CNOT7: variants seen among roughly 807,000 people sequenced by gnomAD.
The protein encoded by CNOT7 is CCR4-NOT transcription complex subunit 7.
CNOT7 carries 4 observed loss-of-function variants against 37.1 expected under a neutral mutation model. The observed-to-expected ratio is 0.11, with a 90% CI of 0.05 to 0.25. CNOT7 has a LOEUF of 0.25. Among genes scored for constraint, CNOT7 ranks in the 10% least tolerant of loss-of-function variants. The pLI, the probability that CNOT7 is intolerant of heterozygous loss-of-function variation, is 1.00. For missense variants in CNOT7, 170 were observed against 336.2 expected, an observed-to-expected ratio of 0.51 and a Z score of 3.87; for synonymous variants, 128 against 115.6, an observed-to-expected ratio of 1.11 and a Z score of -0.69.
Position 17,243,074 on chromosome 8 carries a change from G to C in CNOT7, c.229C>G (p.Leu77Val). The C allele has an allele frequency of 6.2e-7, 1 of 1,611,902 alleles. No homozygotes were observed. The highest frequency in any genetic ancestry group is 8.5e-7 in the Non-Finnish European group (1 of 1,179,294). ...TGCTCATTCATAAATGTCAGTCCTA[G>C]CTGAATTATCTTTAACAAGTCTACA... is the stretch of plus-strand genomic sequence containing the variant. ...CNVDLLKIIQ[L>V]GLTFMNEQGE... Residue 77 changes from leucine (L) to valine (V), a missense_variant, in exon 3 of 7, where the codon CTA becomes GTA. Physicochemically the swap from Leu to Val is conservative, Grantham distance 32. Coordinates refer to ENST00000361272, the MANE Select transcript of CNOT7 (RefSeq NM_013354.7).
intron 3 of CNOT7, chr8:17,242,781 A>G (rs1172594466): frequency 2.1e-5 from 8 of 384,874 alleles, no homozygotes; most frequent in Middle Eastern, 1.0e-3. Context: ...AGCTGCAGTC[A>G]TATTTTAAAT....
chr8:17,241,649 A>G (rs1810182572), intron 3 of CNOT7: 1 of 152,230 alleles, frequency 6.6e-6, no homozygotes, highest in African/African-American at 2.4e-5. Context: ...GTCAAACAGA[A>G]GAACAATGCA....
intron 2 of CNOT7, 51 bp from the exon 3 acceptor site, chr8:17,243,236 T>C (rs780252207): frequency 7.1e-6 from 10 of 1,407,944 alleles, no homozygotes; most frequent in Non-Finnish European, 8.7e-6. Context: ...AAAACTACAA[T>C]CCACACATTT....
chr8:17,231,590 A>T (rs1808619505), intron 6 of CNOT7: 4 of 985,126 alleles, frequency 4.1e-6, no homozygotes, highest in African/African-American at 1.7e-5. Context: ...TCTCAATTTA[A>T]TGTCTAAGAG....
At chr8:17,237,491 A>C in intron 3 of CNOT7, 118 bp from the exon 4 acceptor site, 1 of 836,084 alleles carries the variant, frequency 1.2e-6, no homozygotes, top group South Asian at 1.8e-5. Context: ...GCTTGAGTCC[A>C]CCTGTTTCAA....
At chr8:17,241,648 A>T (rs766724888) in intron 3 of CNOT7, 20 of 152,214 alleles carry the variant, frequency 1.3e-4, no homozygotes, top group Non-Finnish European at 2.4e-4. Context: ...TGTCAAACAG[A>T]AGAACAATGC....
intron 5 of CNOT7, among the ~76,000 whole-genome samples, chr8:17,233,976 C>T (rs1808980223): frequency 6.6e-6 from 1 of 152,140 alleles, no homozygotes; most frequent in African/African-American, 2.4e-5. Context: ...ATCACTTGAA[C>T]CCGGGAGGCG....
rs1298542201 is a variant in CNOT7, at chr8:17,226,544, A to G, written c.*4176T>C. 2.0e-5 allele frequency: 3 copies of G among 151,704 alleles called. No individual in the cohort carries two copies. Among genetic ancestry groups the G allele is most frequent in the Admixed American group, 2.0e-4 (3 of 15,196 alleles). The allele number at this position is 151,704 out of a possible 1,614,324, so 9.4% of individuals were successfully genotyped here. On this transcript the variant is annotated 3_prime_UTR_variant, in exon 7 of 7. Coordinates refer to ENST00000361272, the MANE Select transcript of CNOT7 (RefSeq NM_013354.7). ...TTCAAGATGATTCATTTCCAACAGAAGATTAAGAGGAAACTTTAAAAGCAT... is the reference window on the plus strand; with the variant it reads ...TTCAAGATGATTCATTTCCAACAGAGGATTAAGAGGAAACTTTAAAAGCAT...
chr8:17,228,293 A>G lies in CNOT7; in HGVS notation c.*2427T>C, dbSNP rs1343411956. The G allele has an allele frequency of 1.1e-4, 17 of 151,926 alleles. No homozygotes were observed. Among genetic ancestry groups the G allele is most frequent in the Admixed American group, 9.2e-4 (14 of 15,236 alleles). 9.4% of individuals were successfully genotyped at this position (151,926 alleles called of 1,614,324 possible). A position where few individuals can be genotyped will look rare whatever the true frequency, so the allele number is the denominator to read the frequency against. On this transcript the variant is annotated 3_prime_UTR_variant, in exon 7 of 7. Transcript: ENST00000361272. ...TAATTAATGGCTCAGTAACACTAAA[A>G]TATCAGCCAAATATCTTACATCTGG...
chr8:17,245,501 A>G (rs1810827327), intron 1 of CNOT7, among the ~76,000 whole-genome samples: 1 of 152,234 alleles, frequency 6.6e-6, no homozygotes, highest in Non-Finnish European at 1.5e-5. Context: ...ATCATATTTT[A>G]TAACTTTCCA....
chr8:17,243,367 T>C (rs150810728), intron 2 of CNOT7, 182 bp from the exon 3 acceptor site: 1 of 642,178 alleles, frequency 1.6e-6, no homozygotes, highest in Non-Finnish European at 2.8e-6. Flanking sequence ...CTCTATAAAC[T>C]TAATAACCTT....
At chr8:17,243,323 A>C in intron 2 of CNOT7, 138 bp from the exon 3 acceptor site, 3 of 681,338 alleles carry the variant, frequency 4.4e-6, no homozygotes, top group Non-Finnish European at 7.5e-6. Context: ...GTATATTTTA[A>C]CTAGAAAGAA....
chr8:17,235,876 T>C (rs1809283986), intron 4 of CNOT7, among the ~76,000 whole-genome samples: 1 of 152,190 alleles, frequency 6.6e-6, no homozygotes, highest in Admixed American at 6.5e-5. Flanking sequence ...CAAGAAGACA[T>C]GAATGAACCC....
chr8:17,232,252 C>T (rs901739990), intron 6 of CNOT7, 175 bp downstream of exon 6: 2 of 1,448,540 alleles, frequency 1.4e-6, no homozygotes, highest in African/African-American at 2.9e-5. Flanking sequence ...TTCTGAACTA[C>T]ATTTCAAGAT....
At chr8:17,232,619 C>G in intron 5 of CNOT7, 82 bp from the exon 6 acceptor site, 1 of 1,213,532 alleles carries the variant, frequency 8.2e-7, no homozygotes, top group Non-Finnish European at 1.2e-6. Flanking sequence ...AGACGCTGAC[C>G]AAAATAAAAA....
intron 3 of CNOT7, among the ~76,000 whole-genome samples, chr8:17,239,199 T>A (rs951891542): frequency 6.6e-6 from 1 of 151,890 alleles, no homozygotes; most frequent in African/African-American, 2.4e-5. Flanking sequence ...ACTACAGATA[T>A]GAGCCACCAT....
rs1458260108 is a variant in CNOT7, at chr8:17,228,042, A to C, written c.*2678T>G. On this transcript the variant is annotated 3_prime_UTR_variant, in exon 7 of 7. Transcript: ENST00000361272. ...AAAAAGTATCCATAGATAATATGTA[A>C]ATTAGTGTGGCTGCATTCCAATAAA... 2 of 151,940 alleles carry C rather than the reference A, an allele frequency of 1.3e-5. No homozygotes were observed. Among genetic ancestry groups the C allele is most frequent in the African/African-American group, 2.4e-5 (1 of 41,426 alleles). The allele number at this position is 151,940 out of a possible 1,614,324, so 9.4% of individuals were successfully genotyped here. A position where few individuals can be genotyped will look rare whatever the true frequency, so the allele number is the denominator to read the frequency against.
At chr8:17,240,870 T>C (rs1810064941) in intron 3 of CNOT7, among the ~76,000 whole-genome samples, 2 of 152,190 alleles carry the variant, frequency 1.3e-5, no homozygotes, top group Admixed American at 6.5e-5. Flanking sequence ...AGGTGTTCAA[T>C]CTTTTGGCTT....
At chr8:17,234,914 TAAAA>T in intron 4 of CNOT7, 54 bp from the exon 5 acceptor site, 3 of 1,413,538 alleles carry the variant, frequency 2.1e-6, no homozygotes, top group Non-Finnish European at 2.8e-6. Flanking sequence ...CTATAAAGAT[TAAAA>T]AAAAAAGTTT....
Sources: allele counts gnomAD v4.1 joint callset (sites outside exome capture counted in the v4.1 genomes callset), GRCh38; gene constraint gnomAD v4.1.1; transcripts MANE v1.5; gene names NCBI Gene and HGNC (gene_info 2026-07-23, HGNC 2026-07-21).